Variants in GALNT12 observed in about 807,000 individuals in gnomAD.
GALNT12 encodes the protein polypeptide N-acetylgalactosaminyltransferase 12.
In GALNT12, 45 loss-of-function variants were observed where a neutral mutation model predicts 55.5. That is an observed-to-expected ratio of 0.81 (90% confidence interval 0.64 to 1.04). The LOEUF (loss-of-function observed/expected upper bound fraction) is 1.04. Among genes scored for constraint, GALNT12 ranks in the 50% least tolerant of loss-of-function variants. The pLI is 0.00. For synonymous variants in GALNT12, 304 were observed against 312.2 expected (o/e 0.97, Z 0.28); for missense variants, 709 against 754.8 (o/e 0.94, Z 0.71).
intron 1 of GALNT12, among the ~76,000 whole-genome samples, chr9:98,822,759 G>A (rs773471617): frequency 7.9e-5 from 12 of 152,128 alleles, no homozygotes; most frequent in Non-Finnish European, 1.2e-4. Context: ...GAGGTGGGCC[G>A]GGTGCTGGAG....
At chr9:98,832,511 CT>C (rs1354200268) in intron 4 of GALNT12, among the ~76,000 whole-genome samples, 1 of 152,154 alleles carries the variant, frequency 6.6e-6, no homozygotes, top group African/African-American at 2.4e-5. Flanking sequence ...GAGTGACACC[CT>C]GTCTCTATAA....
chr9:98,824,404 G>C (rs2118362761), intron 2 of GALNT12, among the ~76,000 whole-genome samples: 1 of 152,230 alleles, frequency 6.6e-6, no homozygotes, highest in South Asian at 2.1e-4. Flanking sequence ...AGGGGAAGGA[G>C]AGCCACACCC....
At chr9:98,811,875 G>A (rs1251694343) in intron 1 of GALNT12, among the ~76,000 whole-genome samples, 1 of 152,068 alleles carries the variant, frequency 6.6e-6, no homozygotes, top group Non-Finnish European at 1.5e-5. Flanking sequence ...TAGACACGGG[G>A]TTTCACTATG....
intron 7 of GALNT12, among the ~76,000 whole-genome samples, chr9:98,843,040 A>G (rs547245740): frequency 2.1e-4 from 32 of 152,354 alleles, no homozygotes; most frequent in African/African-American, 7.7e-4. Flanking sequence ...GAAATAGCAC[A>G]GCTCTAAATT....
intron 1 of GALNT12, among the ~76,000 whole-genome samples, chr9:98,821,554 G>A (rs1390662905): frequency 6.8e-6 from 1 of 147,424 alleles, no homozygotes; most frequent in Non-Finnish European, 1.5e-5. Context: ...GAACCCGGGA[G>A]GCAGAGCTTG....
At position 98,826,763 on chromosome 9, in the gene GALNT12, G is replaced by C. The variant is rs200974728; in HGVS notation, c.553G>C (p.Glu185Gln). 1 of 1,611,380 alleles carries C rather than the reference G, an allele frequency of 6.2e-7. No homozygotes were observed. The highest frequency in any genetic ancestry group is 2.2e-5 in the East Asian group (1 of 44,860). The change falls in exon 3 of 10, where the codon GAG (glutamate) becomes CAG (glutamine). Residue 185 changes from glutamate to glutamine, a missense_variant. Transcript: ENST00000375011. ...DDYSDREHLK[E>Q]RLANELSGLP... ...GTTTGCCTCCCTAGAGCACCTGAAG[G>C]AGCGCTTGGCCAATGAGCTTTCGGG...
At chr9:98,815,767 T>C (rs543313206) in intron 1 of GALNT12, among the ~76,000 whole-genome samples, 1 of 152,388 alleles carries the variant, frequency 6.6e-6, no homozygotes, top group South Asian at 2.1e-4. Flanking sequence ...ATAATCTCAC[T>C]TCTTAGAGAT....
rs10435903 is a variant in GALNT12, at chr9:98,848,604, A to G, written c.1606-348A>G. Among the ~76,000 whole-genome samples, 91 of 152,326 alleles carry G rather than the reference A, an allele frequency of 6.0e-4. 3 individuals are homozygous for G. The East Asian group carries it at 0.017, about 28-fold the overall frequency. On this transcript the variant is annotated intron_variant, in intron 9 of 9. Transcript: ENST00000375011. ...ACCTAAGAGAAAGAGATCACCCTGC[A>G]CGGAATGAGTTGACCTAAGAGGAGT...
At chr9:98,831,717 C>T in intron 3 of GALNT12, 55 bp from the exon 4 acceptor site, 2 of 1,601,582 alleles carry the variant, frequency 1.2e-6, no homozygotes, top group Non-Finnish European at 1.7e-6. Context: ...TCCCAATTGT[C>T]TTCCTGCTGC....
chr9:98,824,954 C>T (rs1237886430), intron 2 of GALNT12, among the ~76,000 whole-genome samples: 2 of 152,098 alleles, frequency 1.3e-5, no homozygotes, highest in Non-Finnish European at 2.9e-5. Flanking sequence ...GGCTTGAATC[C>T]CCCTCCCCCA....
chr9:98,825,260 G>A (rs1461077061), intron 2 of GALNT12, among the ~76,000 whole-genome samples: 2 of 152,180 alleles, frequency 1.3e-5, no homozygotes, highest in African/African-American at 4.8e-5. Context: ...TTATAATAAT[G>A]GGATTAAATA....
chr9:98,808,149 G>A, intron 1 of GALNT12, 80 bp downstream of exon 1: 1 of 1,176,068 alleles, frequency 8.5e-7, no homozygotes, highest in Non-Finnish European at 1.2e-6. Flanking sequence ...TGGCAGGGCG[G>A]GGAGCTGGGG....
intron 5 of GALNT12, 38 bp downstream of exon 5, chr9:98,835,404 C>T: frequency 8.0e-7 from 1 of 1,256,272 alleles, no homozygotes; most frequent in Non-Finnish European, 1.2e-6. Context: ...ATGTTCTTAA[C>T]TGATTCTCTC....
In GALNT12 at chr9:98,826,846, G is replaced by A. The variant is rs2118377412; in HGVS notation, c.636G>A (p.Arg212=). Reference sequence around the variant, plus strand: ...AGAGAGAGGGCCTGGTGCGAGCCCGGCTGCTGGGGGCGTCTGCGGCGAGGG... The same window carrying A: ...AGAGAGAGGGCCTGGTGCGAGCCCGACTGCTGGGGGCGTCTGCGGCGAGGG... ...ANKREGLVRA[R]LLGASAARGD... The change falls in exon 3 of 10, where the codon CGG becomes CGA. Residue 212 remains arginine, a synonymous_variant. Coordinates refer to ENST00000375011, the MANE Select transcript of GALNT12 (RefSeq NM_024642.5). 6.2e-7 allele frequency: 1 copy of A among 1,609,082 alleles called. No individual in the cohort carries two copies. Among genetic ancestry groups the A allele is most frequent in the Non-Finnish European group, 8.5e-7 (1 of 1,178,216 alleles).
At chr9:98,826,182 A>G (rs1442425904) in intron 2 of GALNT12, among the ~76,000 whole-genome samples, 3 of 152,154 alleles carry the variant, frequency 2.0e-5, no homozygotes, top group Admixed American at 1.3e-4. Context: ...TGAAATAGGG[A>G]TAATACTATC....
intron 9 of GALNT12, 90 bp downstream of exon 9, chr9:98,846,213 G>A: frequency 6.6e-7 from 1 of 1,520,788 alleles, no homozygotes; most frequent in Non-Finnish European, 9.1e-7. Context: ...GCATAGTCCT[G>A]GTGAGGATCA....
Position 98,807,790 on chromosome 9 carries a change from C to T in GALNT12, c.92C>T (p.Ala31Val), listed in dbSNP as rs2118255665. Residue 31 changes from alanine (A) to valine (V), a missense_variant, in exon 1 of 10, where the codon GCC becomes GTC. Coordinates refer to ENST00000375011, the MANE Select transcript of GALNT12 (RefSeq NM_024642.5). ...GTGCTCCTGGCGCTACTGGCGTTGG[C>T]CGGGCTGGGCTCGGTGCTGCGGGCG... ...LLVLLALLAL[A>V]GLGSVLRAQR... 1 of 1,126,832 alleles carries T rather than the reference C, an allele frequency of 8.9e-7. No homozygotes were observed. The highest frequency in any genetic ancestry group is 1.1e-6 in the Non-Finnish European group (1 of 920,936). The allele number at this position is 1,126,832 out of a possible 1,614,324, so 69.8% of individuals were successfully genotyped here.
chr9:98,847,425 GTCC>G (rs1401654093), intron 9 of GALNT12: 1 of 152,192 alleles, frequency 6.6e-6, no homozygotes, highest in Non-Finnish European at 1.5e-5. Flanking sequence ...CTTCTTGAAT[GTCC>G]TCCTCTTCCC....
chr9:98,821,072 G>C (rs755638266), intron 1 of GALNT12, among the ~76,000 whole-genome samples: 1 of 152,128 alleles, frequency 6.6e-6, no homozygotes, highest in African/African-American at 2.4e-5. Flanking sequence ...ACAGTGGCAC[G>C]ATCTAGGCTC....
Sources: allele counts gnomAD v4.1 joint callset (sites outside exome capture counted in the v4.1 genomes callset), GRCh38; gene constraint gnomAD v4.1.1; transcripts MANE v1.5; gene names NCBI Gene and HGNC (gene_info 2026-07-23, HGNC 2026-07-21).